The following AHRR variants were observed in gnomAD, a reference collection of about 807,000 sequenced individuals.
AHRR encodes the protein ahR repressor.
In AHRR, 28 loss-of-function variants were observed where a neutral mutation model predicts 44.0. The ratio of observed to expected loss-of-function variants is 0.64; its 90% CI spans 0.47 to 0.87. The LOEUF is 0.87. AHRR is among the 40% of genes least tolerant of loss of function. The probability of loss-of-function intolerance (pLI) is 0.00; values close to 1 mark genes in which losing one functional copy is unlikely to be tolerated. For synonymous variants in AHRR, 434 were observed against 407.0 expected (o/e 1.07, Z -0.80); for missense variants, 990 against 953.9 (o/e 1.04, Z -0.50).
Position 432,789 on chromosome 5 carries a change from CCT to C in AHRR, c.971-14_971-13del. 1.9e-6 allele frequency: 3 copies of C among 1,613,876 alleles called. No homozygotes were observed. Among genetic ancestry groups the C allele is most frequent in the Non-Finnish European group, 2.5e-6 (3 of 1,180,014 alleles). ...GCTCGCACCGTGACGGCTTCCCCCC[CCT>C]CTAAACCCCAACAGGAAGGAGCAGC... On this transcript the variant is annotated splice_polypyrimidine_tract_variant and intron_variant, in intron 9 of 10. Coordinates refer to ENST00000684583, the MANE Select transcript of AHRR (RefSeq NM_001377236.1).
At chr5:422,263 G>A (rs555368468) in intron 5 of AHRR, 1 of 237,998 alleles carries the variant, frequency 4.2e-6, no homozygotes, top group Admixed American at 5.2e-5. Flanking sequence ...AAGGAGAGAG[G>A]ACTAGAGAGA....
chr5:328,172 T>C (rs530736315), intron 1 of AHRR, among the ~76,000 whole-genome samples: 2 of 152,122 alleles, frequency 1.3e-5, no homozygotes, highest in East Asian at 3.9e-4. Flanking sequence ...ATCTCCATGC[T>C]GTTTTCCATA....
At chr5:413,757 G>T (rs1043192370) in intron 5 of AHRR, among the ~76,000 whole-genome samples, 1 of 152,182 alleles carries the variant, frequency 6.6e-6, no homozygotes, top group Non-Finnish European at 1.5e-5. Flanking sequence ...CCATTCAGCC[G>T]CTCCCAGGCA....
At chr5:328,300 C>T (rs1194726205) in intron 1 of AHRR, among the ~76,000 whole-genome samples, 4 of 128,102 alleles carry the variant, frequency 3.1e-5, no homozygotes, top group Non-Finnish European at 4.8e-5. Flanking sequence ...CAGAGTCTCC[C>T]TCTGTCGCCC....
chr5:420,896 C>T (rs1413378393), intron 5 of AHRR: 3 of 333,876 alleles, frequency 9.0e-6, no homozygotes, highest in African/African-American at 2.3e-5. Flanking sequence ...CAGACCCACG[C>T]ACGCAGCACG....
At chr5:421,387 C>A in intron 5 of AHRR, 1 of 599,136 alleles carries the variant, frequency 1.7e-6, no homozygotes, top group Non-Finnish European at 3.0e-6. Context: ...TACCAGCCCC[C>A]ACACGGAGGG....
Position 413,447 on chromosome 5 carries a change from G to T in AHRR, c.441+14G>T. ...GGCTTCCATCAGGTAAATGAAACCA[G>T]AATAGCCCTCCAGTCTGTTAAGTGC... On this transcript the variant is annotated intron_variant, in intron 5 of 10. Transcript: ENST00000684583. 6.3e-7 allele frequency: 1 copy of T among 1,580,188 alleles called. No homozygotes were observed. The highest frequency in any genetic ancestry group is 8.7e-7 in the Non-Finnish European group (1 of 1,153,584).
intron 4 of AHRR, among the ~76,000 whole-genome samples, chr5:402,469 T>A (rs35259083): frequency 4.5e-3 from 414 of 92,386 alleles, no homozygotes; most frequent in African/African-American, 0.015. Flanking sequence ...GCAGTCGTTG[T>A]TGAGGGTGTG....
At chr5:426,655 ATGGATGGG>A (rs975417066) in intron 7 of AHRR, among the ~76,000 whole-genome samples, 2 of 149,804 alleles carry the variant, frequency 1.3e-5, no homozygotes, top group African/African-American at 4.9e-5. Context: ...AGATAGAAAG[ATGGATGGG>A]TGGATGGGTG....
chr5:399,279 G>A (rs1734908789), intron 4 of AHRR, among the ~76,000 whole-genome samples: 1 of 152,346 alleles, frequency 6.6e-6, no homozygotes, highest in African/African-American at 2.4e-5. Flanking sequence ...CAGGACCCCG[G>A]CAGGATGGGC....
rs1735277452 is a variant in AHRR, at chr5:406,825, A to G, written c.352-6519A>G. Among the ~76,000 whole-genome samples, 2 of 152,240 alleles carry G rather than the reference A, an allele frequency of 1.3e-5. No homozygotes were observed. Among genetic ancestry groups the G allele is most frequent in the Non-Finnish European group, 2.9e-5 (2 of 68,042 alleles). On this transcript the variant is annotated intron_variant, in intron 4 of 10. Coordinates refer to ENST00000684583, the MANE Select transcript of AHRR (RefSeq NM_001377236.1). The surrounding 1 kb of genome is among the most constrained non-coding windows in gnomAD (Gnocchi z 4.7). ...GACCCCGACATTGGGAAATACTCAT[A>G]AAGTTAACTTACCAACTTAATATAC... is the stretch of plus-strand genomic sequence containing the variant.
chr5:415,561 CCGAATCTGCCTGGTCTGCT>C (rs1560916181), intron 5 of AHRR, among the ~76,000 whole-genome samples: 4 of 146,188 alleles, frequency 2.7e-5, no homozygotes, highest in African/African-American at 5.3e-5. Flanking sequence ...GGCCTAGGGG[CCGAATCTGCCTGGTCTGCT>C]GGGAGGCCTA....
At chr5:378,335 A>G (rs578036379) in intron 4 of AHRR, among the ~76,000 whole-genome samples, 2 of 152,364 alleles carry the variant, frequency 1.3e-5, no homozygotes, top group African/African-American at 4.8e-5. Context: ...TGCTGTGGCC[A>G]TGGTCTGTTG....
rs1351768062 is a variant in AHRR, at chr5:434,798, C to T, written c.2058C>T (p.Val686=). ...MLPKSALATL[V]PPQASGCTFL... Reference sequence around the variant, plus strand: ...CCAAAAGTGCCTTGGCCACGCTGGTCCCGCCCCAAGCTTCGGGGTGCACAT... The same window carrying T: ...CCAAAAGTGCCTTGGCCACGCTGGTTCCGCCCCAAGCTTCGGGGTGCACAT... Residue 686 remains valine, a synonymous_variant, in exon 11 of 11, where the codon GTC becomes GTT. Transcript: ENST00000684583. 3.3e-5 allele frequency: 52 copies of T among 1,553,880 alleles called. No homozygotes were observed. The highest frequency in any genetic ancestry group is 4.4e-5 in the Non-Finnish European group (50 of 1,148,352).
At chr5:352,408 G>T (rs1353107896) in intron 2 of AHRR, among the ~76,000 whole-genome samples, 1 of 149,142 alleles carries the variant, frequency 6.7e-6, no homozygotes, top group African/African-American at 2.5e-5. Context: ...TCACTCTGAG[G>T]TTAAATGGGT....
chr5:415,418 CT>C (rs1362015162), intron 5 of AHRR, among the ~76,000 whole-genome samples: 1 of 134,170 alleles, frequency 7.5e-6, no homozygotes, highest in African/African-American at 3.1e-5. Context: ...GGTGGGAGGC[CT>C]AGGGGCCGAA....
intron 8 of AHRR, among the ~76,000 whole-genome samples, chr5:429,720 C>G (rs1282542103): frequency 6.6e-6 from 1 of 152,260 alleles, no homozygotes; most frequent in Non-Finnish European, 1.5e-5. Context: ...GGAAAGGAAT[C>G]TTAGCAGGCG....
chr5:349,436 C>T (rs1171247231), intron 2 of AHRR, among the ~76,000 whole-genome samples: 4 of 151,932 alleles, frequency 2.6e-5, no homozygotes, highest in South Asian at 4.2e-4. Flanking sequence ...AAAAATTAGC[C>T]GGGCACGGTG....
intron 7 of AHRR, among the ~76,000 whole-genome samples, chr5:424,237 C>T: frequency 7.5e-6 from 1 of 133,772 alleles, no homozygotes; most frequent in East Asian, 2.3e-4. Context: ...CCATGTGTCT[C>T]TGGTGGGGGG....
Sources: gnomAD v4.1 joint callset for allele counts (sites outside exome capture counted in the v4.1 genomes callset) on GRCh38, gnomAD v4.1.1 for gene constraint, Gnocchi (gnomAD v3.1) non-coding constraint, MANE v1.5 for transcripts, NCBI Gene and HGNC (gene_info 2026-07-23, HGNC 2026-07-21) for gene names.